The following PLXNA4 variants were observed in gnomAD, a reference collection of about 807,000 sequenced individuals.
PLXNA4 encodes plexin-A4.
In PLXNA4, 44 loss-of-function variants were observed where a neutral mutation model predicts 191.8. That is an observed-to-expected ratio of 0.23 (90% CI 0.18 to 0.29). The LOEUF is 0.29. Among genes scored for constraint, PLXNA4 ranks in the 10% least tolerant of loss-of-function variants. The probability of loss-of-function intolerance (pLI) is 1.00; values close to 1 mark genes in which losing one functional copy is unlikely to be tolerated. For synonymous variants in PLXNA4, 1,082 were observed against 1,009.5 expected, an observed-to-expected ratio of 1.07 and a Z score of -1.36; for missense variants, 1,800 against 2,488.8, an observed-to-expected ratio of 0.72 and a Z score of 5.89.
In PLXNA4 at chr7:132,332,817, G is replaced by A. The variant is rs189905444; in HGVS notation, c.1372-34595C>T. On this transcript the variant is annotated intron_variant, in intron 3 of 31. Coordinates refer to ENST00000321063, the MANE Select transcript of PLXNA4 (RefSeq NM_020911.2). ...GGAGGCTGCAGTGAGCTGTGATCAT[G>A]CCACTGTACTCCAACATGGGTGACA... 1.5e-4 allele frequency among the ~76,000 whole-genome samples: 23 copies of A among 150,462 alleles called. No homozygotes were observed. In the East Asian group the frequency reaches 4.5e-3, roughly 29 times the overall value.
At chr7:132,288,476 T>C (rs568187446) in intron 4 of PLXNA4, among the ~76,000 whole-genome samples, 21 of 152,216 alleles carry the variant, frequency 1.4e-4, no homozygotes, top group African/African-American at 5.1e-4. Flanking sequence ...CTGAGTGAAA[T>C]TGGGTGAAAC....
chr7:132,193,816 A>G (rs1797167657), intron 14 of PLXNA4, among the ~76,000 whole-genome samples: 1 of 152,200 alleles, frequency 6.6e-6, no homozygotes, highest in Non-Finnish European at 1.5e-5. Flanking sequence ...CTGGGCCCTG[A>G]GAGCTAAAGC....
chr7:132,364,858 G>A (rs1046153622), intron 3 of PLXNA4, among the ~76,000 whole-genome samples: 4 of 152,110 alleles, frequency 2.6e-5, no homozygotes, highest in Admixed American at 6.5e-5. Flanking sequence ...TAACTACATC[G>A]CTTAATCCTC....
chr7:132,430,872 C>A (rs929890422), intron 3 of PLXNA4, among the ~76,000 whole-genome samples: 1 of 152,180 alleles, frequency 6.6e-6, no homozygotes, highest in African/African-American at 2.4e-5. Context: ...TTTAAAGAAA[C>A]CCTAAACTAG....
chr7:132,223,266 G>A (rs1222199823), intron 9 of PLXNA4, among the ~76,000 whole-genome samples: 3 of 152,206 alleles, frequency 2.0e-5, no homozygotes, highest in East Asian at 3.8e-4. Flanking sequence ...CCCACCTGGT[G>A]TGTGGAGGAT....
chr7:132,141,241 G>A (rs1795259355), intron 29 of PLXNA4, among the ~76,000 whole-genome samples: 1 of 152,170 alleles, frequency 6.6e-6, no homozygotes. Flanking sequence ...TCTAGGCTTT[G>A]TATCTGACTC....
chr7:132,272,843 T>C (rs895836292), intron 4 of PLXNA4, among the ~76,000 whole-genome samples: 5 of 152,324 alleles, frequency 3.3e-5, no homozygotes, highest in South Asian at 2.1e-4. Context: ...ACCCAGCTCA[T>C]ATTTGGCCTC....
chr7:132,210,917 G>A (rs1253565457), intron 10 of PLXNA4, 26 bp downstream of exon 10: 1 of 1,601,888 alleles, frequency 6.2e-7, no homozygotes, highest in South Asian at 1.1e-5. Context: ...GCCTGGTTTG[G>A]CAGTGGGCAG....
intron 3 of PLXNA4, among the ~76,000 whole-genome samples, chr7:132,468,551 C>G (rs1304561747): frequency 1.3e-5 from 2 of 152,180 alleles, no homozygotes; most frequent in Non-Finnish European, 2.9e-5. Flanking sequence ...GGCAATGCTT[C>G]TATCGTCCCT....
At chr7:132,560,845 C>A (rs576095355) in intron 1 of PLXNA4, among the ~76,000 whole-genome samples, 9 of 152,266 alleles carry the variant, frequency 5.9e-5, no homozygotes, top group African/African-American at 2.2e-4. Flanking sequence ...CATCTGTCAG[C>A]GCTAATTCCT....
At chr7:132,563,689 C>G in intron 1 of PLXNA4, among the ~76,000 whole-genome samples, 1 of 121,366 alleles carries the variant, frequency 8.2e-6, no homozygotes, top group Non-Finnish European at 1.7e-5. Context: ...TCTCCTCCTC[C>G]TCCTCCTTCT....
chr7:132,321,165 G>A (rs901673670), intron 3 of PLXNA4, among the ~76,000 whole-genome samples: 1 of 152,030 alleles, frequency 6.6e-6, no homozygotes, highest in African/African-American at 2.4e-5. Flanking sequence ...GCGCTTACTT[G>A]CATGCCCTCA....
intron 3 of PLXNA4, among the ~76,000 whole-genome samples, chr7:132,312,096 G>A (rs150744368): frequency 2.7e-4 from 41 of 151,804 alleles, no homozygotes; most frequent in Middle Eastern, 3.4e-3. Context: ...CAATCAGACG[G>A]GTGACCTTTG....
chr7:132,138,170 C>T (rs986456572), intron 30 of PLXNA4, among the ~76,000 whole-genome samples: 5 of 152,232 alleles, frequency 3.3e-5, no homozygotes, highest in Admixed American at 2.0e-4. Flanking sequence ...CAGGGTAAGC[C>T]CTATTTTTTA....
rs1320310676 is a variant in PLXNA4 at position 132,507,878 on chromosome 7, C to G, written c.816G>C (p.Lys272Asn). ...EMVSPPGSTT[K>N]EQVYTSKLVR... Reference sequence around the variant, plus strand: ...CGAGCTTGGATGTATACACCTGCTCCTTGGTGGTGGAGCCTGGTGGAGACA... The same window carrying G: ...CGAGCTTGGATGTATACACCTGCTCGTTGGTGGTGGAGCCTGGTGGAGACA... Residue 272 changes from lysine (K) to asparagine (N), a missense_variant, in exon 2 of 32, where the codon AAG becomes AAC. By Grantham distance (94) the Lys-to-Asn change is moderately conservative. Coordinates refer to ENST00000321063, the MANE Select transcript of PLXNA4 (RefSeq NM_020911.2). 1 of 1,614,066 alleles carries G rather than the reference C, an allele frequency of 6.2e-7. No individual in the cohort carries two copies. Among genetic ancestry groups the G allele is most frequent in the African/African-American group, 1.3e-5 (1 of 74,932 alleles).
intron 4 of PLXNA4, among the ~76,000 whole-genome samples, chr7:132,283,783 T>C (rs758989252): frequency 1.3e-5 from 2 of 152,252 alleles, no homozygotes; most frequent in African/African-American, 2.4e-5. Context: ...CTTTGAGAGA[T>C]ACTACTTCCT....
At chr7:132,257,442 G>T (rs1468187665) in intron 4 of PLXNA4, among the ~76,000 whole-genome samples, 1 of 152,232 alleles carries the variant, frequency 6.6e-6, no homozygotes, top group Non-Finnish European at 1.5e-5. Context: ...GTGTGGTGGT[G>T]CAATGTCACC....
intron 21 of PLXNA4, 109 bp from the exon 22 acceptor site, chr7:132,168,681 G>GATACGGCGA: frequency 7.1e-7 from 1 of 1,415,922 alleles, no homozygotes; most frequent in Admixed American, 2.7e-5. Context: ...CACCAATTAA[G>GATACGGCGA]CCACAGTCCA....
intron 24 of PLXNA4, 64 bp downstream of exon 24, chr7:132,164,078 C>A: frequency 6.2e-7 from 1 of 1,600,710 alleles, no homozygotes. Flanking sequence ...CACTGCTGAG[C>A]AGGGCTACCC....
Sources: allele counts gnomAD v4.1 joint callset (sites outside exome capture counted in the v4.1 genomes callset), GRCh38; gene constraint gnomAD v4.1.1; transcripts MANE v1.5; gene names NCBI Gene and HGNC (gene_info 2026-07-23, HGNC 2026-07-21).